The following TCF7L2 variants were observed in gnomAD, a reference collection of about 807,000 sequenced individuals.
TCF7L2 encodes the protein transcription factor 7 like 2, also known as transcription factor 7-like 2.
TCF7L2 carries 23 observed loss-of-function variants against 77.9 expected under a neutral mutation model. The observed-to-expected ratio is 0.30, with a 90% CI of 0.21 to 0.42. TCF7L2 has a LOEUF of 0.42. TCF7L2 is among the 10% of genes least tolerant of loss of function. TCF7L2 has a pLI of 1.00. For missense variants in TCF7L2, 654 were observed against 793.1 expected (o/e 0.82, Z 2.11); for synonymous variants, 413 against 340.2 (o/e 1.21, Z -2.36).
chr10:113,002,466 G>C (rs907178939), intron 4 of TCF7L2, among the ~76,000 whole-genome samples: 1 of 152,150 alleles, frequency 6.6e-6, no homozygotes, highest in African/African-American at 2.4e-5. Flanking sequence ...GCAATGCCCA[G>C]GACAGCCCCC....
intron 5 of TCF7L2, among the ~76,000 whole-genome samples, chr10:113,124,159 T>G (rs1239326882): frequency 6.7e-6 from 1 of 150,164 alleles, no homozygotes; most frequent in African/African-American, 2.5e-5. Flanking sequence ...AGATACAGAG[T>G]TCAAAGATGC....
intron 5 of TCF7L2, among the ~76,000 whole-genome samples, chr10:113,045,545 G>T (rs2053291403): frequency 6.6e-6 from 1 of 152,158 alleles, no homozygotes; most frequent in African/African-American, 2.4e-5. Flanking sequence ...GCTGGAGGAG[G>T]CCTGCTGGCT....
chr10:113,112,446 G>A (rs540164479), intron 5 of TCF7L2, among the ~76,000 whole-genome samples: 4 of 152,330 alleles, frequency 2.6e-5, no homozygotes, highest in Non-Finnish European at 5.9e-5. Flanking sequence ...CGACTGGCAA[G>A]GCTCAGAAGG....
chr10:113,001,430 T>C (rs1393473834), intron 4 of TCF7L2, among the ~76,000 whole-genome samples: 1 of 152,068 alleles, frequency 6.6e-6, no homozygotes, highest in Non-Finnish European at 1.5e-5. Flanking sequence ...AGCTGGTAGG[T>C]TGGTTCTCAG....
At chr10:113,083,017 C>T (rs983337541) in intron 5 of TCF7L2, among the ~76,000 whole-genome samples, 1 of 152,034 alleles carries the variant, frequency 6.6e-6, no homozygotes, top group Non-Finnish European at 1.5e-5. Context: ...TTTCTATGCT[C>T]ATTCTGTTTT....
intron 5 of TCF7L2, among the ~76,000 whole-genome samples, chr10:113,049,194 C>CT (rs1416899339): frequency 6.6e-6 from 1 of 152,024 alleles, no homozygotes; most frequent in African/African-American, 2.4e-5. Context: ...GCTGCCCCCC[C>CT]GCCCCCTGAC....
chr10:113,052,257 G>A (rs1247159284), intron 5 of TCF7L2, among the ~76,000 whole-genome samples: 1 of 152,174 alleles, frequency 6.6e-6, no homozygotes, highest in Non-Finnish European at 1.5e-5. Context: ...TGGGAGCAGT[G>A]TGTTGAGAGA....
intron 5 of TCF7L2, among the ~76,000 whole-genome samples, chr10:113,076,128 T>A (rs2058666082): frequency 9.7e-6 from 1 of 103,096 alleles, no homozygotes. Flanking sequence ...AGAGCAAGAC[T>A]CCATCTCAAA....
chr10:113,102,012 G>A (rs1008428163), intron 5 of TCF7L2, among the ~76,000 whole-genome samples: 11 of 146,830 alleles, frequency 7.5e-5, no homozygotes, highest in Non-Finnish European at 1.6e-4. Flanking sequence ...GGTGGTGTAC[G>A]CCTGTAGTCC....
intron 5 of TCF7L2, among the ~76,000 whole-genome samples, chr10:113,051,386 A>T (rs1343929832): frequency 1.3e-5 from 2 of 152,208 alleles, no homozygotes; most frequent in African/African-American, 4.8e-5. Flanking sequence ...TAAGGAATGA[A>T]GTTGGAGATA....
At chr10:113,025,233 T>TC (rs1175113810) in intron 4 of TCF7L2, among the ~76,000 whole-genome samples, 1 of 149,816 alleles carries the variant, frequency 6.7e-6, no homozygotes, top group African/African-American at 2.5e-5. Flanking sequence ...TTTTTTTTTT[T>TC]TTTTTTTTGA....
At chr10:113,071,213 T>C (rs1010009574) in intron 5 of TCF7L2, among the ~76,000 whole-genome samples, 3 of 152,176 alleles carry the variant, frequency 2.0e-5, no homozygotes, top group Non-Finnish European at 2.9e-5. Context: ...AAACCCCCAG[T>C]TGACTTTTTG....
At chr10:113,020,402 C>T (rs1006952138) in intron 4 of TCF7L2, among the ~76,000 whole-genome samples, 6 of 152,170 alleles carry the variant, frequency 3.9e-5, no homozygotes, top group African/African-American at 1.2e-4. Context: ...GCTGTGTGGT[C>T]CTTCTTCCTG....
chr10:112,951,425 C>T, intron 2 of TCF7L2, 58 bp from the exon 3 acceptor site: 2 of 1,328,970 alleles, frequency 1.5e-6, no homozygotes, highest in South Asian at 1.3e-5. Context: ...AAAGTTTCTC[C>T]TCACTCTCTC....
intron 4 of TCF7L2, among the ~76,000 whole-genome samples, chr10:112,973,787 C>T (rs1454073655): frequency 6.6e-6 from 1 of 152,084 alleles, no homozygotes; most frequent in Non-Finnish European, 1.5e-5. Context: ...TACGGCGTTT[C>T]ACCATGTTGG....
intron 5 of TCF7L2, among the ~76,000 whole-genome samples, chr10:113,055,388 T>C (rs1404018292): frequency 6.6e-6 from 1 of 152,240 alleles, no homozygotes; most frequent in Admixed American, 6.5e-5. Flanking sequence ...TCTGGTCATA[T>C]GTTTATTTTC....
rs577771813 is a variant in TCF7L2 at position 112,992,537 on chromosome 10, C to T, written c.450+27913C>T. Among the ~76,000 whole-genome samples the T allele has an allele frequency of 5.3e-5, 8 of 152,208 alleles. No homozygotes were observed. The East Asian group carries it at 7.8e-4, about 15-fold the overall frequency. ...AGTGCAGCCTGCCCAGCAGGGCCTA[C>T]GGGAGCCGGAGGCTGCAGGGTGCTA... is the stretch of plus-strand genomic sequence containing the variant. On this transcript the variant is annotated intron_variant, in intron 4 of 13. Transcript: ENST00000627217.
At chr10:113,144,948 AACAACACAGG>A (rs2069065954) in intron 7 of TCF7L2, among the ~76,000 whole-genome samples, 1 of 152,146 alleles carries the variant, frequency 6.6e-6, no homozygotes, top group Admixed American at 6.5e-5. Context: ...CTGTACTCTG[AACAACACAGG>A]ACAATACATT....
At chr10:113,066,221 T>C (rs2057237378) in intron 5 of TCF7L2, among the ~76,000 whole-genome samples, 1 of 152,048 alleles carries the variant, frequency 6.6e-6, no homozygotes, top group Admixed American at 6.6e-5. Context: ...AAAATTTAGC[T>C]GGGCTTGGTG....
Sources: allele counts gnomAD v4.1 joint callset (sites outside exome capture counted in the v4.1 genomes callset), GRCh38; gene constraint gnomAD v4.1.1; transcripts MANE v1.5; gene names NCBI Gene and HGNC (gene_info 2026-07-23, HGNC 2026-07-21).